The following RBFOX1 variants were observed in gnomAD, a reference collection of about 807,000 sequenced individuals.
RBFOX1 encodes RNA binding protein fox-1 homolog 1.
RBFOX1 carries 8 observed loss-of-function variants against 57.7 expected under a neutral mutation model. The observed-to-expected ratio is 0.14, with a 90% CI of 0.08 to 0.25. The LOEUF is 0.25. Among genes scored for constraint, RBFOX1 ranks in the 10% least tolerant of loss-of-function variants. The pLI, the probability that RBFOX1 is intolerant of heterozygous loss-of-function variation, is 1.00. For synonymous variants in RBFOX1, 326 were observed against 222.4 expected (o/e 1.47, Z -4.15); for missense variants, 611 against 548.5 (o/e 1.11, Z -1.14).
At chr16:7,447,897 G>A (rs1028673747) in intron 4 of RBFOX1, among the ~76,000 whole-genome samples, 1 of 152,214 alleles carries the variant, frequency 6.6e-6, no homozygotes, top group African/African-American at 2.4e-5. Context: ...CAACCCCCTG[G>A]AGGGGAGGGG....
intron 4 of RBFOX1, among the ~76,000 whole-genome samples, chr16:7,393,491 G>A (rs974831811): frequency 2.0e-5 from 3 of 152,060 alleles, no homozygotes; most frequent in Admixed American, 2.0e-4. Context: ...ATCTGTCTTA[G>A]GTCAGATTTC....
intron 4 of RBFOX1, among the ~76,000 whole-genome samples, chr16:7,138,845 G>A (rs896194224): frequency 2.0e-5 from 3 of 152,158 alleles, no homozygotes; most frequent in African/African-American, 7.2e-5. Context: ...GTCTGGCTCT[G>A]CTGCCTAGCC....
intron 1 of RBFOX1, among the ~76,000 whole-genome samples, chr16:6,134,965 A>T (rs2096656121): frequency 6.6e-6 from 1 of 152,102 alleles, no homozygotes; most frequent in African/African-American, 2.4e-5. Flanking sequence ...GTTTAACATT[A>T]GGTATATCTC....
chr16:6,159,292 G>T (rs569544512), intron 1 of RBFOX1, among the ~76,000 whole-genome samples: 8 of 152,050 alleles, frequency 5.3e-5, no homozygotes, highest in Non-Finnish European at 1.2e-4. Flanking sequence ...GGCCAAGTTG[G>T]TCTTGAACTC....
chr16:7,618,006 T>C, intron 10 of RBFOX1, among the ~76,000 whole-genome samples: 1 of 100,990 alleles, frequency 9.9e-6, no homozygotes, highest in African/African-American at 2.8e-5. Flanking sequence ...TTGAGAAAAC[T>C]TAAAAAAAAA....
At chr16:7,440,101 G>A (rs1016586083) in intron 4 of RBFOX1, among the ~76,000 whole-genome samples, 3 of 151,804 alleles carry the variant, frequency 2.0e-5, no homozygotes, top group South Asian at 2.1e-4. Context: ...TTGCCGTGTC[G>A]CCTAGGCTGG....
chr16:6,148,686 A>G (rs1356887344), intron 1 of RBFOX1, among the ~76,000 whole-genome samples: 1 of 152,218 alleles, frequency 6.6e-6, no homozygotes, highest in Non-Finnish European at 1.5e-5. Context: ...TTAGCATGGG[A>G]GACCCAGCTA....
chr16:7,484,363 G>A (rs73500387), intron 4 of RBFOX1, among the ~76,000 whole-genome samples: 2,479 of 152,262 alleles, frequency 0.016, 62 homozygotes, highest in African/African-American at 0.056. Flanking sequence ...TAGAAATGCT[G>A]GGAGACATGG....
chr16:5,664,945 G>GCC (rs1313885318), intron 3 of RBFOX1, among the ~76,000 whole-genome samples: 4 of 144,116 alleles, frequency 2.8e-5, no homozygotes, highest in African/African-American at 5.3e-5. Flanking sequence ...TGTTATCTCT[G>GCC]CTCTTTTTTT....
At chr16:7,293,696 T>C (rs1236025799) in intron 4 of RBFOX1, among the ~76,000 whole-genome samples, 1 of 152,164 alleles carries the variant, frequency 6.6e-6, no homozygotes, top group African/African-American at 2.4e-5. Context: ...GTGAGATTTT[T>C]GAGAGCCAGG....
At chr16:6,959,356 C>A (rs184335293) in intron 3 of RBFOX1, among the ~76,000 whole-genome samples, 1 of 152,240 alleles carries the variant, frequency 6.6e-6, no homozygotes, top group East Asian at 1.9e-4. Context: ...ATCTGATAAC[C>A]GTCACATTTG....
intron 1 of RBFOX1, among the ~76,000 whole-genome samples, chr16:6,209,749 G>A (rs1205186893): frequency 6.6e-6 from 1 of 152,172 alleles, no homozygotes; most frequent in Non-Finnish European, 1.5e-5. Flanking sequence ...TTCCTTGTCT[G>A]GAAGCAGGTC....
intron 3 of RBFOX1, among the ~76,000 whole-genome samples, chr16:5,794,511 CGTGT>C (rs59795545): frequency 5.3e-5 from 8 of 149,894 alleles, no homozygotes; most frequent in African/African-American, 9.8e-5. Context: ...TGCCAGCGTG[CGTGT>C]GTGTGTGTGT....
At chr16:6,435,392 C>G (rs1213901054) in intron 2 of RBFOX1, among the ~76,000 whole-genome samples, 1 of 150,690 alleles carries the variant, frequency 6.6e-6, no homozygotes, top group Non-Finnish European at 1.5e-5. Flanking sequence ...CCTCTGCCTC[C>G]CGCATTAAAG....
chr16:5,448,903 C>G (rs1356641340), intron 1 of RBFOX1, among the ~76,000 whole-genome samples: 1 of 152,088 alleles, frequency 6.6e-6, no homozygotes, highest in Non-Finnish European at 1.5e-5. Context: ...TGCTACCTGC[C>G]TCTTCAGCTT....
chr16:6,027,992 G>C (rs1490000447), intron 1 of RBFOX1, among the ~76,000 whole-genome samples: 1 of 152,184 alleles, frequency 6.6e-6, no homozygotes, highest in Non-Finnish European at 1.5e-5. Flanking sequence ...GTTATGAAAA[G>C]TGACGGAGCA....
In RBFOX1 at chr16:5,697,532, A is replaced by ATTTTTTT. The variant is rs374138178; in HGVS notation, c.318+98573_318+98574insTTTTTTT. On this transcript the variant is annotated intron_variant, in intron 3 of 19. Transcript: ENST00000641259. The stretch of plus-strand genomic sequence containing the variant: ...GTTGTGGGCTTTTCTTTTCTTTTCT[A>ATTTTTTT]TTCTTTTTTTTTTTTTTTTGAGATA... 5.2e-5 allele frequency among the ~76,000 whole-genome samples: 7 copies of ATTTTTTT among 133,946 alleles called. 2 individuals carry two copies. The highest frequency in any genetic ancestry group is 8.0e-5 in the Admixed American group (1 of 12,426). 87.9% of individuals were successfully genotyped at this position (133,946 alleles called of 152,430 possible).
intron 4 of RBFOX1, among the ~76,000 whole-genome samples, chr16:7,274,924 C>T (rs1480121591): frequency 6.6e-6 from 1 of 151,954 alleles, no homozygotes; most frequent in Non-Finnish European, 1.5e-5. Context: ...CCTGAAGTGA[C>T]CTGCCTGCCT....
intron 2 of RBFOX1, among the ~76,000 whole-genome samples, chr16:5,535,125 G>A (rs2044645425): frequency 6.6e-6 from 1 of 152,178 alleles, no homozygotes. Context: ...AACACATGCA[G>A]CTACTTAGGT....
Sources: gnomAD v4.1 joint callset for allele counts (sites outside exome capture counted in the v4.1 genomes callset) on GRCh38, gnomAD v4.1.1 for gene constraint, MANE v1.5 for transcripts, NCBI Gene and HGNC (gene_info 2026-07-23, HGNC 2026-07-21) for gene names.